Variants in BCO1 observed in about 807,000 individuals in gnomAD.
BCO1 encodes beta,beta-carotene 15,15'-dioxygenase.
In BCO1, 54 loss-of-function variants were observed where a neutral mutation model predicts 56.3. The ratio of observed to expected loss-of-function variants is 0.96; its 90% CI spans 0.77 to 1.20. The LOEUF (loss-of-function observed/expected upper bound fraction) is 1.20. Ranked by LOEUF, BCO1 falls within the 50% of genes most tolerant of loss-of-function variation. The pLI, the probability that BCO1 is intolerant of heterozygous loss-of-function variation, is 0.00. For missense variants in BCO1, 801 were observed against 690.9 expected (o/e 1.16, Z -1.79); for synonymous variants, 318 against 266.1 (o/e 1.20, Z -1.90).
intron 7 of BCO1, among the ~76,000 whole-genome samples, chr16:81,271,754 CTTGT>C (rs1338350554): frequency 1.3e-5 from 2 of 151,774 alleles, no homozygotes; most frequent in Non-Finnish European, 2.9e-5. Flanking sequence ...TTGGTTTTTG[CTTGT>C]TTGTTTGTTT....
chr16:81,262,403 C>A, intron 4 of BCO1, 120 bp downstream of exon 4: 2 of 1,026,544 alleles, frequency 1.9e-6, no homozygotes, highest in Non-Finnish European at 3.0e-6. Flanking sequence ...CCTCTAACAC[C>A]GTTGGATCCC....
At position 81,264,650 on chromosome 16, in the gene BCO1, G is replaced by A. The variant is rs568154975; in HGVS notation, c.482G>A (p.Arg161His). Residue 161 changes from arginine to histidine, a missense_variant, in exon 5 of 11, where the codon CGT (arginine) becomes CAT (histidine). Transcript: ENST00000258168. ...TLETLEKVDYRKYVAVNLATS... is the reference protein window; with the variant it reads ...TLETLEKVDYHKYVAVNLATS... ...TGTCATATCTTGCAGGTTGATTATC[G>A]TAAATACGTGGCGGTAAATCTGGCA... 3.8e-5 allele frequency: 62 copies of A among 1,614,056 alleles called. No individual in the cohort carries two copies. In the Middle Eastern group the frequency reaches 4.9e-4, roughly 13 times the overall value.
intron 2 of BCO1, among the ~76,000 whole-genome samples, chr16:81,250,394 T>C (rs1480208191): frequency 6.6e-6 from 1 of 151,998 alleles, no homozygotes; most frequent in Non-Finnish European, 1.5e-5. Context: ...GCTTCATCTC[T>C]CCTCTCCTCT....
intron 3 of BCO1, among the ~76,000 whole-genome samples, chr16:81,261,027 G>A (rs1906451339): frequency 6.6e-6 from 1 of 152,192 alleles, no homozygotes; most frequent in Non-Finnish European, 1.5e-5. Flanking sequence ...TCCCATTCCA[G>A]TATCCAGCTC....
chr16:81,257,283 G>A (rs1032795314), intron 2 of BCO1, among the ~76,000 whole-genome samples: 1 of 151,956 alleles, frequency 6.6e-6, no homozygotes, highest in African/African-American at 2.4e-5. Flanking sequence ...TTTGTTTTTT[G>A]AGACGGGGTC....
intron 2 of BCO1, among the ~76,000 whole-genome samples, chr16:81,253,151 G>A (rs1468624107): frequency 6.6e-6 from 1 of 151,964 alleles, no homozygotes; most frequent in Non-Finnish European, 1.5e-5. Flanking sequence ...ACCTAGAAGG[G>A]GAGGACTATG....
At chr16:81,283,171 CTGAG>C (rs1420025573) in intron 8 of BCO1, among the ~76,000 whole-genome samples, 2 of 152,032 alleles carry the variant, frequency 1.3e-5, no homozygotes, top group Admixed American at 1.3e-4. Flanking sequence ...TGTATGTAAC[CTGAG>C]TATTTTCCCA....
At chr16:81,257,110 T>C (rs2151934049) in intron 2 of BCO1, among the ~76,000 whole-genome samples, 1 of 152,246 alleles carries the variant, frequency 6.6e-6, no homozygotes, top group South Asian at 2.1e-4. Flanking sequence ...CCCCAGCATA[T>C]TGCAGTCAAA....
intron 2 of BCO1, among the ~76,000 whole-genome samples, chr16:81,246,668 T>C (rs1418626415): frequency 6.6e-6 from 1 of 151,696 alleles, no homozygotes; most frequent in Non-Finnish European, 1.5e-5. Context: ...CTGGCCAACA[T>C]AGCGAAACCC....
At chr16:81,276,720 T>TG (rs1184506003) in intron 7 of BCO1, among the ~76,000 whole-genome samples, 1 of 152,240 alleles carries the variant, frequency 6.6e-6, no homozygotes, top group Non-Finnish European at 1.5e-5. Context: ...ACTTGAAATG[T>TG]GGCTGGTGCA....
At chr16:81,248,191 C>T (rs1336933326) in intron 2 of BCO1, among the ~76,000 whole-genome samples, 1 of 151,934 alleles carries the variant, frequency 6.6e-6, no homozygotes, top group Admixed American at 6.6e-5. Flanking sequence ...CACCTGAGAT[C>T]AGGAGTTCGA....
In BCO1 at chr16:81,242,226, GTT is replaced by G. The variant is rs1471507760; in HGVS notation, c.65-3247_65-3246del. ...TTTTTTTTTTTTTTTTTGAGGCGGAGTTTCACTCTGTCGCCCAGGCAAGAGTG... is the reference window on the plus strand; with the variant it reads ...TTTTTTTTTTTTTTTTTGAGGCGGAGTCACTCTGTCGCCCAGGCAAGAGTG... On this transcript the variant is annotated intron_variant, in intron 1 of 10. Coordinates refer to ENST00000258168, the MANE Select transcript of BCO1 (RefSeq NM_017429.3). Among the ~76,000 whole-genome samples the G allele has an allele frequency of 2.4e-5, 3 of 124,080 alleles. No individual in the cohort carries two copies. In the East Asian group the frequency reaches 7.2e-4, roughly 30 times the overall value. The allele number at this position is 124,080 out of a possible 152,430, so 81.4% of individuals were successfully genotyped here.
At position 81,264,561 on chromosome 16, in the gene BCO1, T is replaced by G. The variant is rs1906690046; in HGVS notation, c.472-79T>G. 3.2e-6 allele frequency: 5 copies of G among 1,555,366 alleles called. No individual in the cohort carries two copies. The South Asian group carries it at 4.5e-5, about 14-fold the overall frequency. ...TCATAGGACTTCAACCTTTCTCCTT[T>G]GAAAAACCAGATGATGTCATATCTT... On this transcript the variant is annotated intron_variant, in intron 4 of 10. Transcript: ENST00000258168.
intron 1 of BCO1, among the ~76,000 whole-genome samples, chr16:81,241,215 G>A (rs117204776): frequency 0.013 from 2,007 of 152,028 alleles, 18 homozygotes; most frequent in Non-Finnish European, 0.02. Flanking sequence ...TCAGGAGACT[G>A]GGCATGAGAA....
rs1335199761 is a variant in BCO1, at chr16:81,270,201, C to A, written c.886C>A (p.Gln296Lys). The change falls in exon 7 of 11, where the codon CAG becomes AAG. Residue 296 changes from glutamine to lysine, a missense_variant. Gln to Lys is a moderately conservative substitution (Grantham distance 53). Transcript: ENST00000258168. ...CGACCAAAGGACCAGGCAGCCTGTG[C>A]AGACCAAGTTTTACACAGACGCCAT... is the stretch of plus-strand genomic sequence containing the variant. ...IIDQRTRQPVQTKFYTDAMVV... is the reference protein window; with the variant it reads ...IIDQRTRQPVKTKFYTDAMVV... 6.2e-7 allele frequency: 1 copy of A among 1,614,168 alleles called. No individual in the cohort carries two copies. The highest frequency in any genetic ancestry group is 1.3e-5 in the African/African-American group (1 of 75,040).
intron 7 of BCO1, among the ~76,000 whole-genome samples, chr16:81,274,258 C>CTTTTT (rs755672295): frequency 1.2e-4 from 10 of 80,574 alleles, no homozygotes; most frequent in African/African-American, 2.9e-4. Flanking sequence ...GCTTGTGTAT[C>CTTTTT]TTTTTTTTTT....
chr16:81,257,136 A>C (rs1906189854), intron 2 of BCO1, among the ~76,000 whole-genome samples: 2 of 152,014 alleles, frequency 1.3e-5, no homozygotes. Flanking sequence ...CTCATCCTTT[A>C]AGAGCTGTTT....
At chr16:81,261,966 T>A (rs932566793) in intron 3 of BCO1, 170 bp from the exon 4 acceptor site, 22 of 729,472 alleles carry the variant, frequency 3.0e-5, no homozygotes, top group Non-Finnish European at 4.7e-5. Flanking sequence ...ATGGTCTCAA[T>A]CTCCTGACCT....
At chr16:81,258,948 A>G (rs1906311953) in intron 2 of BCO1, among the ~76,000 whole-genome samples, 1 of 152,070 alleles carries the variant, frequency 6.6e-6, no homozygotes, top group African/African-American at 2.4e-5. Context: ...AGAGAGAGAG[A>G]GAGAGGAGGG....
Sources: allele counts gnomAD v4.1 joint callset (sites outside exome capture counted in the v4.1 genomes callset), GRCh38; gene constraint gnomAD v4.1.1; transcripts MANE v1.5; gene names NCBI Gene and HGNC (gene_info 2026-07-23, HGNC 2026-07-21).